SLC14A2: variants seen among roughly 807,000 people sequenced by gnomAD.
SLC14A2 encodes solute carrier family 14 member 2.
Under a neutral mutation model 104.6 loss-of-function variants are expected in SLC14A2, and 91 were observed. The ratio of observed to expected loss-of-function variants is 0.87; its 90% confidence interval spans 0.73 to 1.04. The LOEUF is 1.04. SLC14A2 is among the 50% of genes least tolerant of loss of function. SLC14A2 has a pLI of 0.00. For synonymous variants in SLC14A2, 476 were observed against 466.4 expected (o/e 1.02, Z -0.27); for missense variants, 1,189 against 1,156.0 (o/e 1.03, Z -0.41).
intron 1 of SLC14A2, among the ~76,000 whole-genome samples, chr18:45,469,985 G>C (rs929727429): frequency 2.4e-4 from 36 of 152,144 alleles, no homozygotes; most frequent in African/African-American, 8.0e-4. Flanking sequence ...TTGAAAAGTA[G>C]AGAAAATCCC....
In SLC14A2 at chr18:45,297,406, A is replaced by G. The variant is rs574575582; in HGVS notation, c.-125+84215A>G. Among the ~76,000 whole-genome samples the G allele has an allele frequency of 5.2e-5, 8 of 152,382 alleles. No individual in the cohort carries two copies. The South Asian group carries it at 1.7e-3, about 32-fold the overall frequency. ...GCATCCTTCGACAGGATTCTTATCC[A>G]GGATGGCATTTTGAAGACTGTGTCT... On this transcript the variant is annotated intron_variant, in intron 1 of 20. Coordinates refer to the SLC14A2 transcript ENST00000586448.
chr18:45,356,528 G>A (rs531474030), intron 1 of SLC14A2, among the ~76,000 whole-genome samples: 58 of 152,304 alleles, frequency 3.8e-4, no homozygotes, highest in African/African-American at 1.3e-3. Flanking sequence ...AATGAGATAC[G>A]GGAAACGATG....
At chr18:45,456,156 G>C (rs977395597) in intron 1 of SLC14A2, among the ~76,000 whole-genome samples, 1 of 152,060 alleles carries the variant, frequency 6.6e-6, no homozygotes, top group Non-Finnish European at 1.5e-5. Context: ...CAGCTGTGAC[G>C]ATCAAAAGTG....
the SLC14A2 span, among the ~76,000 whole-genome samples, chr18:45,190,244 C>T: frequency 1.9e-4 from 29 of 152,318 alleles, no homozygotes; most frequent in African/African-American, 6.5e-4. Flanking sequence ...TCTACAATCT[C>T]TTCCTTTAGA....
chr18:45,451,443 A>C (rs967559679), intron 1 of SLC14A2, among the ~76,000 whole-genome samples: 7 of 151,418 alleles, frequency 4.6e-5, no homozygotes, highest in Admixed American at 4.6e-4. Context: ...AAAAATAACT[A>C]TCTGATCCTT....
chr18:45,402,143 T>TTGGCCC (rs2086103035), intron 1 of SLC14A2, among the ~76,000 whole-genome samples: 6 of 152,106 alleles, frequency 3.9e-5, no homozygotes, highest in African/African-American at 1.2e-4. Flanking sequence ...TTGGAGGTCT[T>TTGGCCC]AATAGAGAAC....
chr18:45,625,249 G>A (rs1468404900), intron 2 of SLC14A2, among the ~76,000 whole-genome samples: 2 of 151,868 alleles, frequency 1.3e-5, no homozygotes, highest in African/African-American at 2.4e-5. Context: ...GCGATGAGGA[G>A]GTCCCATATC....
At chr18:45,377,757 T>A (rs1467292908) in intron 1 of SLC14A2, among the ~76,000 whole-genome samples, 1 of 152,120 alleles carries the variant, frequency 6.6e-6, no homozygotes, top group Non-Finnish European at 1.5e-5. Flanking sequence ...GTCCTATAAC[T>A]CTAATTGTTC....
intron 1 of SLC14A2, among the ~76,000 whole-genome samples, chr18:45,414,757 A>AAAAAAATATATATATATATATAT (rs1360051908): frequency 5.3e-5 from 4 of 76,100 alleles, no homozygotes; most frequent in Admixed American, 1.7e-4. Flanking sequence ...AAAAAAAAAA[A>AAAAAAATATATATATATATATAT]ATATATATAT....
At chr18:45,239,569 A>T (rs1437553451) in intron 1 of SLC14A2, among the ~76,000 whole-genome samples, 1 of 152,244 alleles carries the variant, frequency 6.6e-6, no homozygotes, top group Non-Finnish European at 1.5e-5. Context: ...CATGCCCATC[A>T]GGGCAGAGAC....
chr18:45,485,142 T>C (rs1421186), intron 2 of SLC14A2: 50,096 of 152,092 alleles, frequency 0.33, 8,263 homozygotes, highest in Middle Eastern at 0.44. Flanking sequence ...ATCTATTTTA[T>C]AGATGAAAGA....
the SLC14A2 span, among the ~76,000 whole-genome samples, chr18:45,181,833 A>G: frequency 6.6e-6 from 1 of 152,154 alleles, no homozygotes; most frequent in East Asian, 1.9e-4. Context: ...CTCTTTATTA[A>G]GTAGATTAAG....
chr18:45,287,313 C>A (rs1485846013), intron 1 of SLC14A2, among the ~76,000 whole-genome samples: 1 of 152,240 alleles, frequency 6.6e-6, no homozygotes, highest in East Asian at 1.9e-4. Context: ...GAAATTACTA[C>A]AACTTGCAAT....
chr18:45,435,999 A>G (rs2086590148), intron 1 of SLC14A2, among the ~76,000 whole-genome samples: 1 of 152,234 alleles, frequency 6.6e-6, no homozygotes, highest in Non-Finnish European at 1.5e-5. Flanking sequence ...ATGACATGCC[A>G]GAGGAGCTTT....
At chr18:45,640,860 ATTTG>A (rs1187441811) in intron 7 of SLC14A2, among the ~76,000 whole-genome samples, 1 of 152,278 alleles carries the variant, frequency 6.6e-6, no homozygotes, top group Non-Finnish European at 1.5e-5. Flanking sequence ...TTTTAAAAAT[ATTTG>A]TTTAACTCTT....
chr18:45,285,638 G>A (rs8085524), intron 1 of SLC14A2, among the ~76,000 whole-genome samples: 28,448 of 145,932 alleles, frequency 0.19, 4,428 homozygotes, highest in African/African-American at 0.42. Context: ...GGCTGGTCTC[G>A]AACTCCTGAC....
At chr18:45,344,737 G>C (rs2085430799) in intron 1 of SLC14A2, among the ~76,000 whole-genome samples, 1 of 152,170 alleles carries the variant, frequency 6.6e-6, no homozygotes, top group Non-Finnish European at 1.5e-5. Flanking sequence ...ATTAAGCCTA[G>C]TAATAGGAAA....
At chr18:45,583,649 A>G (rs1470594787) in intron 2 of SLC14A2, among the ~76,000 whole-genome samples, 1 of 152,230 alleles carries the variant, frequency 6.6e-6, no homozygotes, top group Non-Finnish European at 1.5e-5. Flanking sequence ...CTCAACCTGC[A>G]CATCCAGATA....
intron 2 of SLC14A2, among the ~76,000 whole-genome samples, chr18:45,486,546 A>T (rs1191354246): frequency 6.6e-6 from 1 of 152,240 alleles, no homozygotes; most frequent in Non-Finnish European, 1.5e-5. Context: ...AAAAAGCAAA[A>T]TGACAAAATC....
Sources: allele counts gnomAD v4.1 joint callset (sites outside exome capture counted in the v4.1 genomes callset), GRCh38; gene constraint gnomAD v4.1.1; transcripts MANE v1.5; gene names NCBI Gene and HGNC (gene_info 2026-07-23, HGNC 2026-07-21).